Variants in CTNNBL1 observed in about 807,000 individuals in gnomAD.
CTNNBL1 encodes beta-catenin-like protein 1.
Under a neutral mutation model 72.7 loss-of-function variants are expected in CTNNBL1, and 31 were observed. The ratio of observed to expected loss-of-function variants is 0.43; its 90% CI spans 0.32 to 0.58. The LOEUF (loss-of-function observed/expected upper bound fraction) is 0.58, where lower values mean the gene tolerates loss of function less well. CTNNBL1 is among the 20% of genes least tolerant of loss of function. The pLI, the probability that CTNNBL1 is intolerant of heterozygous loss-of-function variation, is 0.08. For missense variants in CTNNBL1, 534 were observed against 725.1 expected, an observed-to-expected ratio of 0.74 and a Z score of 3.03; for synonymous variants, 240 against 267.3, an observed-to-expected ratio of 0.90 and a Z score of 1.00.
At chr20:37,732,248 T>TG (rs1300292442) in intron 1 of CTNNBL1, among the ~76,000 whole-genome samples, 1 of 152,252 alleles carries the variant, frequency 6.6e-6, no homozygotes, top group African/African-American at 2.4e-5. Context: ...GCCCAGGCTC[T>TG]GGGCCTTACT....
At chr20:37,770,334 G>A (rs1442381796) in intron 7 of CTNNBL1, among the ~76,000 whole-genome samples, 4 of 152,192 alleles carry the variant, frequency 2.6e-5, no homozygotes, top group Admixed American at 2.6e-4. Flanking sequence ...AACCAGTGGA[G>A]GAGAGGAAAG....
intron 1 of CTNNBL1, among the ~76,000 whole-genome samples, chr20:37,707,927 A>AGG (rs901029027): frequency 7.4e-5 from 10 of 135,932 alleles, no homozygotes; most frequent in East Asian, 4.0e-4. Context: ...GGGAGACCTG[A>AGG]GGAGAGAGAG....
chr20:37,703,944 ATTTTGTAT>A (rs974566440), intron 1 of CTNNBL1, among the ~76,000 whole-genome samples: 2 of 151,770 alleles, frequency 1.3e-5, no homozygotes, highest in African/African-American at 4.8e-5. Flanking sequence ...CGCCTGGCTA[ATTTTGTAT>A]TTTTAGTAGA....
rs150982113 is a variant in CTNNBL1, at chr20:37,746,591, C to G, written c.450C>G (p.Leu150=). Residue 150 remains leucine, a synonymous_variant, in exon 4 of 16, where the codon CTC becomes CTG. Transcript: ENST00000361383. ...CTGTACAGTCGCTTCTCGGCTTGCTCGGACACGATAATACAGATATCCTTT... is the reference window on the plus strand; with the variant it reads ...CTGTACAGTCGCTTCTCGGCTTGCTGGGACACGATAATACAGATATCCTTT... ...LNAVQSLLGL[L]GHDNTDVSIA... 2.5e-6 allele frequency: 4 copies of G among 1,613,940 alleles called. No homozygotes were observed. Among genetic ancestry groups the G allele is most frequent in the Non-Finnish European group, 3.4e-6 (4 of 1,179,966 alleles).
chr20:37,860,488 A>C, intron 15 of CTNNBL1, 144 bp downstream of exon 15: 1 of 690,152 alleles, frequency 1.4e-6, no homozygotes, highest in Non-Finnish European at 2.5e-6. Flanking sequence ...CTGTGTGTCC[A>C]GGTCGTCTTT....
At chr20:37,713,352 C>T (rs1377784489) in intron 1 of CTNNBL1, among the ~76,000 whole-genome samples, 1 of 152,188 alleles carries the variant, frequency 6.6e-6, no homozygotes, top group Non-Finnish European at 1.5e-5. Flanking sequence ...CCTCCCCTCT[C>T]TGAGTGCTTA....
chr20:37,714,949 A>AT (rs1453075437), intron 1 of CTNNBL1, among the ~76,000 whole-genome samples: 1 of 152,066 alleles, frequency 6.6e-6, no homozygotes, highest in African/African-American at 2.4e-5. Flanking sequence ...AAACCCAGAG[A>AT]TTTTGACTAC....
At chr20:37,707,804 A>G (rs2072900668) in intron 1 of CTNNBL1, among the ~76,000 whole-genome samples, 1 of 152,180 alleles carries the variant, frequency 6.6e-6, no homozygotes, top group African/African-American at 2.4e-5. Context: ...TTAATCATGT[A>G]TAGCTTTTGA....
At chr20:37,745,545 C>T (rs2073254791) in intron 3 of CTNNBL1, among the ~76,000 whole-genome samples, 1 of 152,066 alleles carries the variant, frequency 6.6e-6, no homozygotes, top group Non-Finnish European at 1.5e-5. Flanking sequence ...TTACAGTGGC[C>T]CTGTGAGACA....
rs76016183 is a variant in CTNNBL1 at position 37,797,354 on chromosome 20, CT to C, written c.1032-5495del. On this transcript the variant is annotated intron_variant, in intron 10 of 15. Transcript: ENST00000361383. Reference sequence around the variant, plus strand: ...GAATATTTTAAAGAACACCTTGTTGCTTTTTTTTTTTTTTTTTTAATCAGTC... The same window carrying C: ...GAATATTTTAAAGAACACCTTGTTGCTTTTTTTTTTTTTTTTTAATCAGTC... Among the ~76,000 whole-genome samples, 765 of 103,888 alleles carry C rather than the reference CT, an allele frequency of 7.4e-3. 2 individuals are homozygous for C. The highest frequency in any genetic ancestry group is 0.014 in the African/African-American group (403 of 29,066). The allele number at this position is 103,888 out of a possible 152,430, so 68.2% of individuals were successfully genotyped here. A position where few individuals can be genotyped will look rare whatever the true frequency, so the allele number is the denominator to read the frequency against.
chr20:37,831,770 A>G lies in CTNNBL1; in HGVS notation c.1214-8332A>G, dbSNP rs530780920. On this transcript the variant is annotated intron_variant, in intron 11 of 15. Transcript: ENST00000361383. ...GTACTTGCTACATTGCCTGGCACAT[A>G]GTTGGTACTCAGAATTTTGAGAAAA... 1.0e-3 allele frequency among the ~76,000 whole-genome samples: 155 copies of G among 152,316 alleles called. 2 individuals carry two copies. The South Asian group carries it at 0.031, about 30-fold the overall frequency.
chr20:37,724,805 A>T (rs2073069161), intron 1 of CTNNBL1, among the ~76,000 whole-genome samples: 1 of 152,134 alleles, frequency 6.6e-6, no homozygotes, highest in South Asian at 2.1e-4. Context: ...TTCAATGAAA[A>T]GTATTACCAA....
chr20:37,743,505 A>C (rs1568760035), intron 3 of CTNNBL1, among the ~76,000 whole-genome samples: 1 of 152,238 alleles, frequency 6.6e-6, no homozygotes, highest in Non-Finnish European at 1.5e-5. Context: ...ACTTGGAATA[A>C]TAAGTGAGAA....
At chr20:37,836,157 T>A (rs1414021096) in intron 11 of CTNNBL1, among the ~76,000 whole-genome samples, 2 of 152,220 alleles carry the variant, frequency 1.3e-5, no homozygotes, top group Non-Finnish European at 2.9e-5. Flanking sequence ...GTGTGTAAAT[T>A]CATCTTTGAG....
chr20:37,766,721 A>G (rs2073472063), intron 6 of CTNNBL1, among the ~76,000 whole-genome samples: 1 of 152,170 alleles, frequency 6.6e-6, no homozygotes, highest in Non-Finnish European at 1.5e-5. Flanking sequence ...ATTTGAGGAA[A>G]GACTAGAAAT....
chr20:37,720,118 C>T (rs1441308397), intron 1 of CTNNBL1, among the ~76,000 whole-genome samples: 7 of 152,116 alleles, frequency 4.6e-5, no homozygotes, highest in Non-Finnish European at 7.3e-5. Context: ...AGCTCCATCT[C>T]CCAGGTTCAC....
intron 10 of CTNNBL1, among the ~76,000 whole-genome samples, chr20:37,789,095 A>T (rs1168743096): frequency 1.2e-4 from 18 of 152,168 alleles, no homozygotes; most frequent in Admixed American, 4.6e-4. Flanking sequence ...GCCATCCTAG[A>T]GTACAGGAAC....
At chr20:37,733,134 A>G in intron 2 of CTNNBL1, 67 bp downstream of exon 2, 2 of 1,399,238 alleles carry the variant, frequency 1.4e-6, no homozygotes, top group Non-Finnish European at 2.0e-6. Context: ...TGGGCCAAAT[A>G]CTAAGCTTGT....
rs1409433057 is a variant in CTNNBL1, at chr20:37,730,730, T to C, written c.31-2149T>C. On this transcript the variant is annotated intron_variant, in intron 1 of 15. Coordinates refer to ENST00000361383, the MANE Select transcript of CTNNBL1 (RefSeq NM_030877.5). Reference sequence around the variant, plus strand: ...AGTGGCACACACCTGTAGTCTCAGCTATTCAGAGGGCTGAGGCAGGAGGAT... The same window carrying C: ...AGTGGCACACACCTGTAGTCTCAGCCATTCAGAGGGCTGAGGCAGGAGGAT... Among the ~76,000 whole-genome samples, 3 of 152,228 alleles carry C rather than the reference T, an allele frequency of 2.0e-5. No individual in the cohort carries two copies. The East Asian group carries it at 5.8e-4, about 29-fold the overall frequency.
Sources: allele counts gnomAD v4.1 joint callset (sites outside exome capture counted in the v4.1 genomes callset), GRCh38; gene constraint gnomAD v4.1.1; transcripts MANE v1.5; gene names NCBI Gene and HGNC (gene_info 2026-07-23, HGNC 2026-07-21).